Variants in PTPRD observed in about 807,000 individuals in gnomAD.
PTPRD encodes receptor-type tyrosine-protein phosphatase delta.
In PTPRD, 34 loss-of-function variants were observed where a neutral mutation model predicts 214.5. The observed-to-expected ratio is 0.16, with a 90% CI of 0.12 to 0.21. The LOEUF (loss-of-function observed/expected upper bound fraction) is 0.21. Among genes scored for constraint, PTPRD ranks in the 10% least tolerant of loss-of-function variants. The pLI is 1.00. For missense variants in PTPRD, 2,545 were observed against 2,398.7 expected, an observed-to-expected ratio of 1.06 and a Z score of -1.27; for synonymous variants, 1,128 against 845.7, an observed-to-expected ratio of 1.33 and a Z score of -5.79.
In PTPRD at chr9:8,320,006, T is replaced by G. The variant is rs1457521151; in HGVS notation, c.5535-40A>C. 6.2e-6 allele frequency: 10 copies of G among 1,603,658 alleles called. No individual in the cohort carries two copies. The South Asian group carries it at 1.1e-4, about 18-fold the overall frequency. Reference sequence around the variant, plus strand: ...AAGGCGATGTTACTGGGTGAGATGTTCACAGTCTTGGCCACATTTGCTTGG... The same window carrying G: ...AAGGCGATGTTACTGGGTGAGATGTGCACAGTCTTGGCCACATTTGCTTGG... On this transcript the variant is annotated intron_variant, in intron 44 of 45. Coordinates refer to ENST00000381196, the MANE Select transcript of PTPRD (RefSeq NM_002839.4).
At chr9:10,166,004 T>A (rs2099156670) in intron 3 of PTPRD, among the ~76,000 whole-genome samples, 1 of 149,814 alleles carries the variant, frequency 6.7e-6, no homozygotes, top group Non-Finnish European at 1.5e-5. Context: ...AATACAAAAG[T>A]ATTTATATAT....
intron 4 of PTPRD, among the ~76,000 whole-genome samples, chr9:9,952,756 A>T (rs2093570522): frequency 6.6e-6 from 1 of 152,168 alleles, no homozygotes; most frequent in African/African-American, 2.4e-5. Context: ...AACACTGAAG[A>T]TAGAGTACCT....
At chr9:9,312,266 C>A (rs138601959) in intron 9 of PTPRD, among the ~76,000 whole-genome samples, 2 of 152,252 alleles carry the variant, frequency 1.3e-5, no homozygotes, top group East Asian at 3.9e-4. Context: ...AATATTGAAG[C>A]ATCTGGGATT....
chr9:10,306,661 A>G (rs539370078), intron 3 of PTPRD, among the ~76,000 whole-genome samples: 1 of 152,238 alleles, frequency 6.6e-6, no homozygotes, highest in African/African-American at 2.4e-5. Flanking sequence ...CCAGTTTTCC[A>G]TAAGTATATG....
chr9:9,571,039 A>C (rs2086221282), intron 8 of PTPRD, among the ~76,000 whole-genome samples: 1 of 151,476 alleles, frequency 6.6e-6, no homozygotes, highest in Non-Finnish European at 1.5e-5. Flanking sequence ...TTAAATCATG[A>C]CATGGCTTAG....
chr9:9,859,896 T>C (rs2062350009), intron 5 of PTPRD, among the ~76,000 whole-genome samples: 2 of 152,204 alleles, frequency 1.3e-5, no homozygotes, highest in African/African-American at 4.8e-5. Flanking sequence ...TATTTGTACC[T>C]ATTTATAGTC....
chr9:9,753,183 A>G lies in PTPRD; in HGVS notation c.-326+13627T>C, dbSNP rs1056609008. On this transcript the variant is annotated intron_variant, in intron 6 of 45. Transcript: ENST00000381196. ...GACATTTCCATGTGGTCTTTCCCCA[A>G]GGACATCACTACTGTAATTGAGGGG... Among the ~76,000 whole-genome samples the G allele has an allele frequency of 2.6e-5, 4 of 152,038 alleles. No individual in the cohort carries two copies. The South Asian group carries it at 8.3e-4, about 32-fold the overall frequency.
intron 3 of PTPRD, among the ~76,000 whole-genome samples, chr9:10,317,247 T>C (rs1253056184): frequency 1.3e-5 from 2 of 152,026 alleles, no homozygotes; most frequent in Non-Finnish European, 2.9e-5. Flanking sequence ...ATTACCTATC[T>C]AATTTAATTA....
intron 7 of PTPRD, among the ~76,000 whole-genome samples, chr9:9,635,728 A>C (rs888170399): frequency 3.9e-5 from 6 of 152,214 alleles, no homozygotes; most frequent in African/African-American, 1.2e-4. Flanking sequence ...CCTGAAACCC[A>C]GAAGTCATTG....
At chr9:8,759,299 G>C (rs1230434972) in intron 11 of PTPRD, among the ~76,000 whole-genome samples, 1 of 152,084 alleles carries the variant, frequency 6.6e-6, no homozygotes, top group African/African-American at 2.4e-5. Flanking sequence ...TGATCTTCCT[G>C]CCTTGGCTTC....
At chr9:8,894,991 C>T (rs997496334) in intron 11 of PTPRD, among the ~76,000 whole-genome samples, 1 of 152,194 alleles carries the variant, frequency 6.6e-6, no homozygotes, top group Non-Finnish European at 1.5e-5. Context: ...CTTCTCACTG[C>T]AATGCAGTGC....
At chr9:10,215,189 G>C (rs2099535764) in intron 3 of PTPRD, among the ~76,000 whole-genome samples, 1 of 150,226 alleles carries the variant, frequency 6.7e-6, no homozygotes, top group Non-Finnish European at 1.5e-5. Flanking sequence ...ATAAAAGTCA[G>C]AAAAATAAAA....
At chr9:9,855,480 C>T (rs2061379359) in intron 5 of PTPRD, among the ~76,000 whole-genome samples, 1 of 152,146 alleles carries the variant, frequency 6.6e-6, no homozygotes, top group East Asian at 1.9e-4. Flanking sequence ...ACTTGAAGTA[C>T]TAGGAAATTA....
chr9:8,918,663 A>G (rs2098804392), intron 11 of PTPRD, among the ~76,000 whole-genome samples: 1 of 152,190 alleles, frequency 6.6e-6, no homozygotes, highest in African/African-American at 2.4e-5. Context: ...CTGGATGCAT[A>G]AAAGGTGCTT....
At chr9:8,850,517 C>A (rs1388837068) in intron 11 of PTPRD, among the ~76,000 whole-genome samples, 5 of 151,996 alleles carry the variant, frequency 3.3e-5, no homozygotes, top group Non-Finnish European at 7.4e-5. Flanking sequence ...ATATTTTATT[C>A]CTCTAGAAAA....
chr9:9,027,654 T>C (rs1160517566), intron 10 of PTPRD, among the ~76,000 whole-genome samples: 1 of 151,878 alleles, frequency 6.6e-6, no homozygotes, highest in African/African-American at 2.4e-5. Flanking sequence ...TCAGAGTACA[T>C]TTGAAAAGTC....
intron 9 of PTPRD, among the ~76,000 whole-genome samples, chr9:9,305,156 C>T (rs901380825): frequency 6.6e-5 from 10 of 151,744 alleles, no homozygotes; most frequent in Middle Eastern, 3.4e-3. Flanking sequence ...TTTTGTCTCA[C>T]TAATACAGTA....
intron 12 of PTPRD, among the ~76,000 whole-genome samples, chr9:8,680,889 A>T (rs2097537649): frequency 6.6e-6 from 1 of 152,154 alleles, no homozygotes; most frequent in African/African-American, 2.4e-5. Context: ...GCCTCACGGG[A>T]CTGATTTGAG....
At chr9:8,516,593 C>T (rs1197457793) in intron 21 of PTPRD, among the ~76,000 whole-genome samples, 1 of 151,954 alleles carries the variant, frequency 6.6e-6, no homozygotes, top group Non-Finnish European at 1.5e-5. Flanking sequence ...CTAGTACTGG[C>T]ATCTGAGAAA....
Sources: allele counts gnomAD v4.1 joint callset (sites outside exome capture counted in the v4.1 genomes callset), GRCh38; gene constraint gnomAD v4.1.1; transcripts MANE v1.5; gene names NCBI Gene and HGNC (gene_info 2026-07-23, HGNC 2026-07-21).